The following EXOC6B variants were observed in gnomAD, a reference collection of about 807,000 sequenced individuals.
EXOC6B encodes SEC15 homolog B.
A neutral mutation model predicts 113.5 loss-of-function variants in EXOC6B; 54 were observed. The observed-to-expected ratio is 0.48, with a 90% CI of 0.38 to 0.60. EXOC6B has a LOEUF of 0.60. Among genes scored for constraint, EXOC6B ranks in the 20% least tolerant of loss-of-function variants. The probability of loss-of-function intolerance (pLI) is 0.00; values close to 1 mark genes in which losing one functional copy is unlikely to be tolerated. For synonymous variants in EXOC6B, 357 were observed against 339.0 expected (o/e 1.05, Z -0.58); for missense variants, 797 against 977.5 (o/e 0.82, Z 2.46).
chr2:72,346,410 A>C (rs890544539), intron 19 of EXOC6B, among the ~76,000 whole-genome samples: 2 of 152,184 alleles, frequency 1.3e-5, no homozygotes, highest in African/African-American at 4.8e-5. Context: ...ACATACATTT[A>C]CCTGGAGAGA....
At chr2:72,299,036 G>T (rs1686333438) in intron 20 of EXOC6B, among the ~76,000 whole-genome samples, 1 of 152,092 alleles carries the variant, frequency 6.6e-6, no homozygotes, top group Non-Finnish European at 1.5e-5. Context: ...GGCCTGCCTT[G>T]CTAGGTTGGG....
At position 72,480,669 on chromosome 2, in the gene EXOC6B, C is replaced by T. The variant is rs777607395; in HGVS notation, c.1747G>A (p.Val583Met). The T allele has an allele frequency of 1.9e-6, 3 of 1,591,710 alleles. No individual in the cohort carries two copies. The highest frequency in any genetic ancestry group is 2.6e-6 in the Non-Finnish European group (3 of 1,167,714). Residue 583 changes from valine (V) to methionine (M), a missense_variant, in exon 17 of 22, where the codon GTG becomes ATG. Val to Met is a conservative substitution (Grantham distance 21). Coordinates refer to ENST00000272427, the MANE Select transcript of EXOC6B (RefSeq NM_015189.3). Reference sequence around the variant, plus strand: ...GTAGTGTGAACTGTCTCTGGAAGCACATTAGTGATGTTGGTGATAAATTCT... The same window carrying T: ...GTAGTGTGAACTGTCTCTGGAAGCATATTAGTGATGTTGGTGATAAATTCT... ...LEEFITNITN[V>M]LPETVHTTKL...
intron 8 of EXOC6B, among the ~76,000 whole-genome samples, chr2:72,517,054 C>T (rs1247893857): frequency 6.6e-6 from 1 of 152,080 alleles, no homozygotes; most frequent in East Asian, 1.9e-4. Flanking sequence ...ACTTAAGGTA[C>T]TAGTCATGGA....
At chr2:72,280,835 G>T (rs184919235) in intron 20 of EXOC6B, among the ~76,000 whole-genome samples, 2 of 152,016 alleles carry the variant, frequency 1.3e-5, no homozygotes, top group African/African-American at 4.8e-5. Flanking sequence ...TAAGAGAACT[G>T]CTGGCAAACT....
At chr2:72,213,818 T>A (rs1162675469) in intron 20 of EXOC6B, among the ~76,000 whole-genome samples, 1 of 152,058 alleles carries the variant, frequency 6.6e-6, no homozygotes, top group Non-Finnish European at 1.5e-5. Flanking sequence ...CAGCAAGAAG[T>A]TTCCATGCCA....
At chr2:72,612,375 G>C (rs1671127777) in intron 6 of EXOC6B, among the ~76,000 whole-genome samples, 1 of 152,006 alleles carries the variant, frequency 6.6e-6, no homozygotes, top group Admixed American at 6.5e-5. Context: ...TTTAAAGTTT[G>C]TATAAAGGTA....
intron 6 of EXOC6B, among the ~76,000 whole-genome samples, chr2:72,646,988 T>C (rs1673773468): frequency 6.6e-6 from 1 of 152,108 alleles, no homozygotes; most frequent in South Asian, 2.1e-4. Context: ...GGGTATTCAA[T>C]TAGGAAAAGA....
intron 1 of EXOC6B, among the ~76,000 whole-genome samples, chr2:72,763,888 C>T (rs1181945606): frequency 1.3e-5 from 2 of 151,752 alleles, no homozygotes; most frequent in African/African-American, 4.8e-5. Flanking sequence ...TGAGACCAAC[C>T]TGGGCAACAT....
At chr2:72,391,163 A>C (rs1305854173) in intron 18 of EXOC6B, among the ~76,000 whole-genome samples, 1 of 151,760 alleles carries the variant, frequency 6.6e-6, no homozygotes, top group Non-Finnish European at 1.5e-5. Flanking sequence ...ACTTTCCTGC[A>C]CTCCCTGCTG....
At chr2:72,445,688 A>G (rs998806694) in intron 18 of EXOC6B, among the ~76,000 whole-genome samples, 2 of 152,136 alleles carry the variant, frequency 1.3e-5, no homozygotes, top group African/African-American at 4.8e-5. Flanking sequence ...CTTATTCACT[A>G]TCACAAGAAC....
intron 6 of EXOC6B, among the ~76,000 whole-genome samples, chr2:72,681,714 TA>T (rs547212277): frequency 1.8e-4 from 26 of 145,602 alleles, no homozygotes; most frequent in East Asian, 1.6e-3. Flanking sequence ...TTTTAATCTT[TA>T]AAAAAAAAAA....
chr2:72,409,669 A>G (rs1694032035), intron 18 of EXOC6B, among the ~76,000 whole-genome samples: 1 of 147,320 alleles, frequency 6.8e-6, no homozygotes, highest in Non-Finnish European at 1.5e-5. Flanking sequence ...TTGAACAATG[A>G]GAACACGTGG....
Position 72,532,765 on chromosome 2 carries a change from G to A in EXOC6B, c.916-17639C>T, listed in dbSNP as rs147382424. 6.2e-3 allele frequency among the ~76,000 whole-genome samples: 941 copies of A among 152,028 alleles called. 7 individuals are homozygous for A. Among genetic ancestry groups the A allele is most frequent in the African/African-American group, 0.02 (847 of 41,462 alleles). On this transcript the variant is annotated intron_variant, in intron 8 of 21. Coordinates refer to ENST00000272427, the MANE Select transcript of EXOC6B (RefSeq NM_015189.3). ...GGAGGTTGCAGTGAGCCGATATTGCGCCACTGTGCTCCAGCCTGGGTGACA... is the reference window on the plus strand; with the variant it reads ...GGAGGTTGCAGTGAGCCGATATTGCACCACTGTGCTCCAGCCTGGGTGACA...
chr2:72,407,950 G>A (rs1693894976), intron 18 of EXOC6B, among the ~76,000 whole-genome samples: 1 of 152,168 alleles, frequency 6.6e-6, no homozygotes, highest in Non-Finnish European at 1.5e-5. Flanking sequence ...TGACATGATT[G>A]TATATCTAGA....
intron 1 of EXOC6B, among the ~76,000 whole-genome samples, chr2:72,803,738 A>C (rs1316677175): frequency 6.6e-6 from 1 of 152,214 alleles, no homozygotes; most frequent in Non-Finnish European, 1.5e-5. Context: ...ACTACTTAAA[A>C]GTAGGGTCTA....
chr2:72,422,632 C>T (rs1417641201), intron 18 of EXOC6B, among the ~76,000 whole-genome samples: 5 of 151,088 alleles, frequency 3.3e-5, no homozygotes, highest in East Asian at 2.0e-4. Context: ...GTGCACCAAT[C>T]GACACTCTGT....
intron 7 of EXOC6B, among the ~76,000 whole-genome samples, chr2:72,570,732 T>C (rs964900601): frequency 1.3e-5 from 2 of 152,146 alleles, no homozygotes; most frequent in African/African-American, 4.8e-5. Context: ...AGAAACAAAG[T>C]AGAAAAAATA....
intron 18 of EXOC6B, among the ~76,000 whole-genome samples, chr2:72,423,517 T>C (rs1403162538): frequency 3.3e-5 from 5 of 152,222 alleles, no homozygotes; most frequent in Non-Finnish European, 5.9e-5. Flanking sequence ...TGTTCTCTAG[T>C]TAAGTTTCAT....
intron 20 of EXOC6B, among the ~76,000 whole-genome samples, chr2:72,239,999 TA>T: frequency 6.6e-6 from 1 of 152,326 alleles, no homozygotes; most frequent in South Asian, 2.1e-4. Context: ...AATTTCTGTA[TA>T]ATATACCAAG....
Sources: gnomAD v4.1 joint callset for allele counts (sites outside exome capture counted in the v4.1 genomes callset) on GRCh38, gnomAD v4.1.1 for gene constraint, MANE v1.5 for transcripts, NCBI Gene and HGNC (gene_info 2026-07-23, HGNC 2026-07-21) for gene names.